MSRA: variants seen among roughly 807,000 people sequenced by gnomAD.
MSRA encodes methionine sulfoxide reductase A, also known as mitochondrial peptide methionine sulfoxide reductase.
In MSRA, 54 loss-of-function variants were observed where a neutral mutation model predicts 31.3. The observed-to-expected ratio is 1.73, with a 90% CI of 1.39 to 2.17. The LOEUF is 2.17. Ranked by LOEUF, MSRA falls within the 30% of genes most tolerant of loss-of-function variation. The pLI, the probability that MSRA is intolerant of heterozygous loss-of-function variation, is 0.00. For missense variants in MSRA, 507 were observed against 300.9 expected, an observed-to-expected ratio of 1.69 and a Z score of -5.07; for synonymous variants, 169 against 116.5, an observed-to-expected ratio of 1.45 and a Z score of -2.90.
intron 5 of MSRA, among the ~76,000 whole-genome samples, chr8:10,389,982 C>T (rs1294515854): frequency 6.6e-5 from 10 of 152,128 alleles, no homozygotes; most frequent in Admixed American, 5.9e-4. Flanking sequence ...GCTCACAGAG[C>T]CCTGCCTTCT....
intron 1 of MSRA, among the ~76,000 whole-genome samples, chr8:10,200,367 C>T (rs1214124526): frequency 6.6e-6 from 1 of 152,244 alleles, no homozygotes; most frequent in Non-Finnish European, 1.5e-5. Flanking sequence ...CATATGGTCC[C>T]TGGTCACCAT....
At chr8:10,333,624 T>C (rs560883643) in intron 5 of MSRA, among the ~76,000 whole-genome samples, 24 of 152,262 alleles carry the variant, frequency 1.6e-4, no homozygotes, top group African/African-American at 5.5e-4. Context: ...ATAAGGATGA[T>C]ATGGTGTATA....
At chr8:10,343,654 AT>A (rs1803584690) in intron 5 of MSRA, among the ~76,000 whole-genome samples, 2 of 152,180 alleles carry the variant, frequency 1.3e-5, no homozygotes, top group Non-Finnish European at 2.9e-5. Flanking sequence ...AGCGCTTTAC[AT>A]TTGTAAAGGG....
At chr8:10,350,857 C>T (rs1000048294) in intron 5 of MSRA, among the ~76,000 whole-genome samples, 2 of 152,254 alleles carry the variant, frequency 1.3e-5, no homozygotes, top group African/African-American at 4.8e-5. Flanking sequence ...GCTGTCCCAG[C>T]CCTCTGCCTA....
At chr8:10,268,598 A>G (rs375692004) in intron 3 of MSRA, among the ~76,000 whole-genome samples, 3 of 152,236 alleles carry the variant, frequency 2.0e-5, no homozygotes, top group African/African-American at 7.2e-5. Flanking sequence ...GTTGCTGCTA[A>G]TTGACTAACT....
chr8:10,290,391 C>T (rs576263873), intron 3 of MSRA, among the ~76,000 whole-genome samples: 3 of 152,108 alleles, frequency 2.0e-5, no homozygotes, highest in African/African-American at 4.8e-5. Flanking sequence ...TATAGTATGC[C>T]ATTTGGCTAG....
intron 5 of MSRA, among the ~76,000 whole-genome samples, chr8:10,354,130 T>A (rs1804365432): frequency 6.6e-6 from 1 of 152,234 alleles, no homozygotes; most frequent in Non-Finnish European, 1.5e-5. Context: ...AATCTTTGGT[T>A]AGCATTAGAG....
At chr8:10,096,055 G>T (rs1341323997) in intron 1 of MSRA, 2 of 1,403,088 alleles carry the variant, frequency 1.4e-6, no homozygotes, top group South Asian at 1.7e-5. Context: ...TAAGTTTTTA[G>T]ATTTTATTTT....
chr8:10,262,742 C>T (rs1408944890), intron 3 of MSRA, among the ~76,000 whole-genome samples: 2 of 152,160 alleles, frequency 1.3e-5, no homozygotes, highest in Non-Finnish European at 2.9e-5. Context: ...CAGAGTAGTT[C>T]TGGGAAGGTG....
intron 1 of MSRA, among the ~76,000 whole-genome samples, chr8:10,179,274 C>T (rs547120465): frequency 2.0e-5 from 3 of 152,276 alleles, no homozygotes; most frequent in African/African-American, 7.2e-5. Flanking sequence ...ATACTTGGAT[C>T]TGCATGCTAA....
chr8:10,082,393 T>G lies in MSRA; in HGVS notation c.142+27735T>G, dbSNP rs140770704. ...TTCCTGCTGCCAAGGCAGCCTCATT[T>G]CACAGCTTCTCCCTGCTTGAGGGCG... On this transcript the variant is annotated intron_variant, in intron 1 of 5. Coordinates refer to ENST00000317173, the MANE Select transcript of MSRA (RefSeq NM_012331.5). Among the ~76,000 whole-genome samples, 135 of 152,256 alleles carry G rather than the reference T, an allele frequency of 8.9e-4. 3 individuals are homozygous for G. The East Asian group carries it at 0.025, about 28-fold the overall frequency.
At chr8:10,398,043 T>C (rs113710429) in intron 5 of MSRA, among the ~76,000 whole-genome samples, 77 of 152,344 alleles carry the variant, frequency 5.1e-4, no homozygotes, top group Middle Eastern at 3.4e-3. Context: ...TTAGAGCATA[T>C]TGACAAATTT....
At chr8:10,311,404 C>T (rs1052210579) in intron 4 of MSRA, among the ~76,000 whole-genome samples, 6 of 152,170 alleles carry the variant, frequency 3.9e-5, no homozygotes, top group East Asian at 3.9e-4. Context: ...TTATTAAGGA[C>T]GTAGAGGGAG....
intron 1 of MSRA, among the ~76,000 whole-genome samples, chr8:10,089,909 G>A (rs907963148): frequency 6.6e-6 from 1 of 152,296 alleles, no homozygotes; most frequent in African/African-American, 2.4e-5. Context: ...CCGTTCATGT[G>A]GGATATGCCC....
At chr8:10,328,969 A>G (rs1200347735) in intron 5 of MSRA, among the ~76,000 whole-genome samples, 1 of 152,152 alleles carries the variant, frequency 6.6e-6, no homozygotes, top group African/African-American at 2.4e-5. Context: ...TATGCTGTAT[A>G]TTAAAAGGAA....
chr8:10,260,728 G>A lies in MSRA; in HGVS notation c.331+15505G>A, dbSNP rs907215236. Among the ~76,000 whole-genome samples the A allele has an allele frequency of 3.3e-5, 5 of 152,058 alleles. No individual in the cohort carries two copies. The South Asian group carries it at 6.2e-4, about 19-fold the overall frequency. ...AATAAAAAGCAAACGAGATTAATAA[G>A]GAAAGGAAGGAAATTACATTGTGTG... On this transcript the variant is annotated intron_variant, in intron 3 of 5. Transcript: ENST00000317173.
At chr8:10,373,524 A>T (rs1305468154) in intron 5 of MSRA, among the ~76,000 whole-genome samples, 1 of 152,230 alleles carries the variant, frequency 6.6e-6, no homozygotes, top group African/African-American at 2.4e-5. Flanking sequence ...GGCATGAGCT[A>T]CCTTGCCCAG....
chr8:10,146,918 A>C (rs1019593172), intron 1 of MSRA, among the ~76,000 whole-genome samples: 5 of 152,188 alleles, frequency 3.3e-5, no homozygotes, highest in African/African-American at 1.2e-4. Context: ...GTTTTAAAGT[A>C]GGGTCTTGGC....
chr8:10,085,212 C>T (rs552789454), intron 1 of MSRA, among the ~76,000 whole-genome samples: 1 of 152,282 alleles, frequency 6.6e-6, no homozygotes, highest in African/African-American at 2.4e-5. Flanking sequence ...TGATGACTGC[C>T]ACATCCTGAG....
Sources: gnomAD v4.1 joint callset for allele counts (sites outside exome capture counted in the v4.1 genomes callset) on GRCh38, gnomAD v4.1.1 for gene constraint, MANE v1.5 for transcripts, NCBI Gene and HGNC (gene_info 2026-07-23, HGNC 2026-07-21) for gene names.